The following SOX6 variants were observed in gnomAD, a reference collection of about 807,000 sequenced individuals.
SOX6 encodes SRY-box transcription factor 6, also known as transcription factor SOX-6.
In SOX6, 11 loss-of-function variants were observed where a neutral mutation model predicts 97.8. The observed-to-expected ratio is 0.11, with a 90% confidence interval of 0.07 to 0.19. SOX6 has a LOEUF of 0.19. Ranked by LOEUF, SOX6 falls within the 10% of genes least tolerant of loss-of-function variation. SOX6 has a pLI of 1.00. For missense variants in SOX6, 810 were observed against 1,039.5 expected, an observed-to-expected ratio of 0.78 and a Z score of 3.04; for synonymous variants, 360 against 371.4, an observed-to-expected ratio of 0.97 and a Z score of 0.35.
intron 15 of SOX6, among the ~76,000 whole-genome samples, chr11:15,983,902 T>C (rs1406076451): frequency 6.6e-6 from 1 of 152,104 alleles, no homozygotes; most frequent in Non-Finnish European, 1.5e-5. Context: ...GACTTCATTT[T>C]CTCCAAGTGC....
chr11:16,629,727 C>T (rs1848677058), intron 3 of SOX6, among the ~76,000 whole-genome samples: 1 of 151,822 alleles, frequency 6.6e-6, no homozygotes, highest in Non-Finnish European at 1.5e-5. Context: ...CCAGCTGAGG[C>T]TTTTTGTTTT....
At chr11:16,396,072 T>C (rs1858345762) in intron 1 of SOX6, among the ~76,000 whole-genome samples, 2 of 151,726 alleles carry the variant, frequency 1.3e-5, no homozygotes, top group Non-Finnish European at 3.0e-5. Flanking sequence ...TTATACGTTT[T>C]GTTTCCTGAG....
At chr11:16,168,361 C>G (rs1360073261) in intron 6 of SOX6, among the ~76,000 whole-genome samples, 1 of 152,070 alleles carries the variant, frequency 6.6e-6, no homozygotes, top group Non-Finnish European at 1.5e-5. Flanking sequence ...TTTTGGATAA[C>G]ATCTTAAATA....
At chr11:16,285,830 C>T (rs1406382691) in intron 3 of SOX6, among the ~76,000 whole-genome samples, 3 of 151,964 alleles carry the variant, frequency 2.0e-5, no homozygotes, top group Non-Finnish European at 2.9e-5. Flanking sequence ...AGGAAAACCA[C>T]CTAAAGTCTC....
At chr11:16,246,173 C>A (rs750539430) in intron 3 of SOX6, among the ~76,000 whole-genome samples, 2 of 151,280 alleles carry the variant, frequency 1.3e-5, no homozygotes, top group African/African-American at 2.4e-5. Flanking sequence ...ATGTAAGGAA[C>A]TTTAAAACAC....
chr11:15,986,700 A>G (rs539719590), intron 14 of SOX6, among the ~76,000 whole-genome samples: 22 of 152,188 alleles, frequency 1.4e-4, no homozygotes, highest in Non-Finnish European at 2.8e-4. Flanking sequence ...GCCTACACCA[A>G]GGTCTTTCCC....
intron 9 of SOX6, among the ~76,000 whole-genome samples, chr11:16,066,456 G>A (rs1182624173): frequency 6.6e-6 from 1 of 152,178 alleles, no homozygotes; most frequent in Non-Finnish European, 1.5e-5. Flanking sequence ...GCATCCCCAT[G>A]TTTATTGCAG....
At chr11:16,684,984 A>G (rs1056157661) in intron 3 of SOX6, among the ~76,000 whole-genome samples, 3 of 152,062 alleles carry the variant, frequency 2.0e-5, no homozygotes. Context: ...GTAAGGTGCC[A>G]CACACTTTTA....
chr11:16,305,804 G>A (rs1164734728), intron 3 of SOX6, among the ~76,000 whole-genome samples: 1 of 151,906 alleles, frequency 6.6e-6, no homozygotes, highest in Admixed American at 6.6e-5. Context: ...AGGGAAGTAA[G>A]CTGAGTTTTT....
At chr11:16,457,785 T>C (rs992802711) in intron 1 of SOX6, among the ~76,000 whole-genome samples, 7 of 152,052 alleles carry the variant, frequency 4.6e-5, no homozygotes, top group Admixed American at 3.9e-4. Flanking sequence ...AAAAGTATGT[T>C]GAGTTTTAGC....
At chr11:16,396,203 T>A (rs1174163756) in intron 1 of SOX6, among the ~76,000 whole-genome samples, 1 of 151,720 alleles carries the variant, frequency 6.6e-6, no homozygotes, top group African/African-American at 2.4e-5. Flanking sequence ...ATATGAGGAT[T>A]AAATGAGATT....
chr11:16,204,674 G>A (rs1199287954), intron 4 of SOX6, among the ~76,000 whole-genome samples: 1 of 152,016 alleles, frequency 6.6e-6, no homozygotes, highest in Admixed American at 6.6e-5. Flanking sequence ...ATCTGGAGGT[G>A]ATTTTTTAAA....
At chr11:16,184,637 C>T (rs2134103120) in intron 5 of SOX6, among the ~76,000 whole-genome samples, 1 of 152,230 alleles carries the variant, frequency 6.6e-6, no homozygotes, top group South Asian at 2.1e-4. Context: ...CAATCAAATT[C>T]AACATCTAAA....
chr11:16,107,418 C>CATATATATGTATATATATGTAT (rs1554930571), intron 7 of SOX6, among the ~76,000 whole-genome samples: 2 of 141,326 alleles, frequency 1.4e-5, no homozygotes, highest in Non-Finnish European at 3.0e-5. Flanking sequence ...TATATATATA[C>CATATATATGTATATATATGTAT]ATATATATAC....
intron 4 of SOX6, among the ~76,000 whole-genome samples, chr11:16,524,221 A>G (rs1861118525): frequency 6.6e-6 from 1 of 152,044 alleles, no homozygotes; most frequent in Non-Finnish European, 1.5e-5. Flanking sequence ...TTGATGCAAA[A>G]ATCCTCAATA....
chr11:16,360,681 C>A (rs574942652), upstream of SOX6, among the ~76,000 whole-genome samples: 1 of 152,024 alleles, frequency 6.6e-6, no homozygotes, highest in Non-Finnish European at 1.5e-5. Context: ...ATAAATAATG[C>A]GTTGAATGAC....
chr11:15,977,851 C>G (rs1422754356), intron 15 of SOX6, among the ~76,000 whole-genome samples: 2 of 152,054 alleles, frequency 1.3e-5, no homozygotes, highest in East Asian at 3.9e-4. Context: ...AACTTCTCCC[C>G]CTTTCTCACT....
At chr11:16,117,643 C>G (rs367614164) in intron 6 of SOX6, among the ~76,000 whole-genome samples, 2 of 152,166 alleles carry the variant, frequency 1.3e-5, no homozygotes, top group Non-Finnish European at 1.5e-5. Context: ...AAGAATCACA[C>G]AAACATCCAG....
At position 16,594,683 on chromosome 11, in the gene SOX6, G is replaced by GTTTTT. The variant is rs1565188995; in HGVS notation, n.609+17397_609+17398insAAAAA. Among the ~76,000 whole-genome samples the GTTTTT allele has an allele frequency of 9.0e-4, 43 of 47,790 alleles. 2 individuals are homozygous for GTTTTT. Among genetic ancestry groups the GTTTTT allele is most frequent in the African/African-American group, 3.1e-3 (39 of 12,396 alleles). The allele number at this position is 47,790 out of a possible 152,430, so 31.4% of individuals were successfully genotyped here. A position where few individuals can be genotyped will look rare whatever the true frequency, so the allele number is the denominator to read the frequency against. On this transcript the variant is annotated intron_variant and non_coding_transcript_variant, in intron 4 of 5. Coordinates refer to the SOX6 transcript ENST00000524520. ...AATTTTTATTTTCTTTTCGGTTTTTGCTTTTTTTTTTTTTTTTTTTTTTTT... is the reference window on the plus strand; with the variant it reads ...AATTTTTATTTTCTTTTCGGTTTTTGTTTTTCTTTTTTTTTTTTTTTTTTTTTTTT...
Sources: gnomAD v4.1 joint callset for allele counts (sites outside exome capture counted in the v4.1 genomes callset) on GRCh38, gnomAD v4.1.1 for gene constraint, MANE v1.5 for transcripts, NCBI Gene and HGNC (gene_info 2026-07-23, HGNC 2026-07-21) for gene names.